CDH2: variants seen among roughly 807,000 people sequenced by gnomAD.
CDH2 encodes the protein cadherin-2.
CDH2 carries 17 observed loss-of-function variants against 92.0 expected under a neutral mutation model. The ratio of observed to expected loss-of-function variants is 0.18; its 90% confidence interval spans 0.13 to 0.28. The LOEUF is 0.28. Among genes scored for constraint, CDH2 ranks in the 10% least tolerant of loss-of-function variants. The pLI is 1.00. For synonymous variants in CDH2, 419 were observed against 415.9 expected, an observed-to-expected ratio of 1.01 and a Z score of -0.09; for missense variants, 862 against 1,133.1, an observed-to-expected ratio of 0.76 and a Z score of 3.44.
At chr18:28,148,830 C>T (rs1156233355) in intron 1 of CDH2, among the ~76,000 whole-genome samples, 1 of 152,102 alleles carries the variant, frequency 6.6e-6, no homozygotes, top group Non-Finnish European at 1.5e-5. Flanking sequence ...AAATGACTAC[C>T]TGAATTATGC....
chr18:28,129,405 T>C (rs560172918), intron 2 of CDH2, among the ~76,000 whole-genome samples: 3 of 152,358 alleles, frequency 2.0e-5, no homozygotes, highest in African/African-American at 7.2e-5. Flanking sequence ...TGCATTGATA[T>C]ATTAGGTAAA....
rs759232411 is a variant in CDH2, at chr18:27,985,007, G to T, written c.2202C>A (p.Ile734=). Reference sequence around the variant, plus strand: ...GACAATAAAAGTACTCACTAAGCAGGATGATGATGCAGAGCAGGATGGCAA... The same window carrying T: ...GACAATAAAAGTACTCACTAAGCAGTATGATGATGCAGAGCAGGATGGCAA... ...AIIAILLCII[I]LLILVLMFVV... The change falls in exon 13 of 16, where the codon ATC becomes ATA. Residue 734 remains isoleucine (I), a synonymous_variant. Coordinates refer to ENST00000269141, the MANE Select transcript of CDH2 (RefSeq NM_001792.5). 1.9e-6 allele frequency: 3 copies of T among 1,610,710 alleles called. No homozygotes were observed. The highest frequency in any genetic ancestry group is 2.5e-6 in the Non-Finnish European group (3 of 1,176,880).
At chr18:27,944,436 C>T (rs1909217763) in intron 6 of CDH2, among the ~76,000 whole-genome samples, 1 of 151,986 alleles carries the variant, frequency 6.6e-6, no homozygotes, top group Admixed American at 6.6e-5. Flanking sequence ...TTGAATTACT[C>T]GAGGTCAGCA....
chr18:27,980,281 T>C (rs1356486598), intron 14 of CDH2, among the ~76,000 whole-genome samples: 1 of 152,058 alleles, frequency 6.6e-6, no homozygotes, highest in Non-Finnish European at 1.5e-5. Context: ...TATGAGGGGG[T>C]AAACCAAAGG....
At chr18:28,071,173 G>A (rs2144167789) in intron 2 of CDH2, among the ~76,000 whole-genome samples, 1 of 152,102 alleles carries the variant, frequency 6.6e-6, no homozygotes, top group East Asian at 1.9e-4. Context: ...ATCCAGAACT[G>A]AAAAATCTGT....
chr18:27,938,536 ATCT>A (rs1909070967), intron 6 of CDH2, among the ~76,000 whole-genome samples: 2 of 152,214 alleles, frequency 1.3e-5, no homozygotes. Flanking sequence ...CCTTTGGATT[ATCT>A]TTTTCAATCA....
chr18:28,130,772 A>G (rs1291418960), intron 2 of CDH2, among the ~76,000 whole-genome samples: 2 of 152,200 alleles, frequency 1.3e-5, no homozygotes, highest in African/African-American at 4.8e-5. Flanking sequence ...GACTTTCTGA[A>G]GTGGAATTAG....
intron 4 of CDH2, among the ~76,000 whole-genome samples, chr18:28,010,218 C>T (rs1279994501): frequency 2.0e-5 from 3 of 152,128 alleles, no homozygotes; most frequent in Admixed American, 2.0e-4. Context: ...AAGAGCTGTC[C>T]AATTTCATTA....
At chr18:28,140,074 C>G (rs1442126344) in intron 2 of CDH2, among the ~76,000 whole-genome samples, 1 of 151,950 alleles carries the variant, frequency 6.6e-6, no homozygotes, top group African/African-American at 2.4e-5. Flanking sequence ...CACATTCAGT[C>G]CATCATATCC....
chr18:28,092,345 A>G (rs2015051478), intron 2 of CDH2, among the ~76,000 whole-genome samples: 2 of 152,056 alleles, frequency 1.3e-5, no homozygotes, highest in African/African-American at 2.4e-5. Flanking sequence ...CTTAGCCTTT[A>G]CTAAAGAAAT....
chr18:28,054,901 G>T (rs1188203800), intron 2 of CDH2, among the ~76,000 whole-genome samples: 1 of 152,072 alleles, frequency 6.6e-6, no homozygotes, highest in South Asian at 2.1e-4. Flanking sequence ...ATTATTTTCA[G>T]CTGGTTATTT....
rs1017455085 is a variant in CDH2 at position 28,126,794 on chromosome 18, G to A, written c.172+20879C>T. 7.9e-5 allele frequency among the ~76,000 whole-genome samples: 12 copies of A among 152,128 alleles called. No individual in the cohort carries two copies. In the South Asian group the frequency reaches 2.1e-3, roughly 26 times the overall value. On this transcript the variant is annotated intron_variant, in intron 2 of 15. Coordinates refer to ENST00000269141, the MANE Select transcript of CDH2 (RefSeq NM_001792.5). ...CATAGGCCATCCTGGCAGAACTATC[G>A]GTCTGGTGGGGAAAAGTGACTTCCT... is the stretch of plus-strand genomic sequence containing the variant.
At chr18:28,126,947 T>C (rs557215152) in intron 2 of CDH2, among the ~76,000 whole-genome samples, 2 of 152,208 alleles carry the variant, frequency 1.3e-5, no homozygotes, top group South Asian at 2.1e-4. Context: ...CATGTGACCC[T>C]AGAATGTCCA....
At chr18:28,134,677 C>G (rs755157453) in intron 2 of CDH2, among the ~76,000 whole-genome samples, 1 of 152,188 alleles carries the variant, frequency 6.6e-6, no homozygotes, top group Non-Finnish European at 1.5e-5. Context: ...TACCACTGCA[C>G]TGCAGCTTGG....
intron 10 of CDH2, 102 bp downstream of exon 10, chr18:27,989,995 G>A (rs2012358204): frequency 7.0e-6 from 7 of 1,000,100 alleles, no homozygotes; most frequent in Admixed American, 2.3e-5. Context: ...AAGTAGTTTT[G>A]ATTGCAATGA....
At chr18:28,007,510 G>A (rs1404219743) in intron 5 of CDH2, among the ~76,000 whole-genome samples, 3 of 151,676 alleles carry the variant, frequency 2.0e-5, no homozygotes, top group Non-Finnish European at 4.4e-5. Context: ...AAATTCAGAG[G>A]TTATTTAAAC....
intron 1 of CDH2, among the ~76,000 whole-genome samples, chr18:28,171,530 C>T (rs537627765): frequency 1.3e-5 from 2 of 152,216 alleles, no homozygotes; most frequent in South Asian, 2.1e-4. Context: ...AAAGGTAGCA[C>T]AGCCAATGAA....
intron 2 of CDH2, among the ~76,000 whole-genome samples, chr18:28,089,584 ATTAT>A (rs1405132387): frequency 2.6e-5 from 4 of 152,184 alleles, no homozygotes; most frequent in Non-Finnish European, 5.9e-5. Context: ...GTGTCCTTGA[ATTAT>A]TTAAGTAATT....
chr18:28,042,966 A>G (rs138869804), intron 2 of CDH2, among the ~76,000 whole-genome samples: 5 of 152,228 alleles, frequency 3.3e-5, no homozygotes, highest in African/African-American at 1.2e-4. Context: ...ATTTGTATTC[A>G]ATCAGTCAAG....
Sources: allele counts gnomAD v4.1 joint callset (sites outside exome capture counted in the v4.1 genomes callset), GRCh38; gene constraint gnomAD v4.1.1; transcripts MANE v1.5; gene names NCBI Gene and HGNC (gene_info 2026-07-23, HGNC 2026-07-21).